GOLGA6L7: variants seen among roughly 807,000 people sequenced by gnomAD.
GOLGA6L7 encodes the protein golgin A6 family like 7.
In GOLGA6L7, 29 loss-of-function variants were observed where a neutral mutation model predicts 68.9. The observed-to-expected ratio is 0.42, with a 90% CI of 0.31 to 0.57. The LOEUF (loss-of-function observed/expected upper bound fraction) is 0.57, where lower values mean the gene tolerates loss of function less well. Among genes scored for constraint, GOLGA6L7 ranks in the 20% least tolerant of loss-of-function variants. GOLGA6L7 has a pLI of 0.13. For synonymous variants in GOLGA6L7, 133 were observed against 197.4 expected, an observed-to-expected ratio of 0.67 and a Z score of 2.73; for missense variants, 396 against 588.4, an observed-to-expected ratio of 0.67 and a Z score of 3.38.
In GOLGA6L7 at chr15:28,843,236, C is replaced by T. The variant is rs55828001; in HGVS notation, c.868G>A (p.Glu290Lys). Residue 290 changes from glutamate (E) to lysine (K), a missense_variant, in exon 9 of 9, where the codon GAG (glutamate) becomes AAG (lysine). Glu to Lys is a moderately conservative substitution (Grantham distance 56, BLOSUM62 1). Transcript: ENST00000567390. ...TGCTCCTCCTGCTTCCGCATCTGCT[C>T]CTCCTGCTTCCGCATCTGCTCCTCC... ...EQEEQMRKQE[E>K]QMRKQEEQMR... 8.2e-6 allele frequency: 10 copies of T among 1,218,488 alleles called. No homozygotes were observed. In the Admixed American group the frequency reaches 2.3e-4, roughly 28 times the overall value. 75.5% of individuals were successfully genotyped at this position (1,218,488 alleles called of 1,614,324 possible). A position where few individuals can be genotyped will look rare whatever the true frequency, so the allele number is the denominator to read the frequency against.
In GOLGA6L7 at chr15:28,847,088, C is replaced by T. The variant is rs150917533; in HGVS notation, c.156G>A (p.Ser52=). Residue 52 remains serine (S), a synonymous_variant, in exon 2 of 9, where the codon TCG becomes TCA. Coordinates refer to ENST00000567390, the MANE Select transcript of GOLGA6L7 (RefSeq NM_001365371.2). ...NHGANPETTT[S]GGCHSPEDKQ... ...CATCCTCAGGCGAGTGGCAGCCCCCCGAAGTGGTTGTCTCAGGGTTAGCGC... is the reference window on the plus strand; with the variant it reads ...CATCCTCAGGCGAGTGGCAGCCCCCTGAAGTGGTTGTCTCAGGGTTAGCGC... 14 of 1,007,788 alleles carry T rather than the reference C, an allele frequency of 1.4e-5. No homozygotes were observed. The highest frequency in any genetic ancestry group is 1.7e-5 in the Non-Finnish European group (12 of 686,084). 62.4% of individuals were successfully genotyped at this position (1,007,788 alleles called of 1,614,324 possible). A position where few individuals can be genotyped will look rare whatever the true frequency, so the allele number is the denominator to read the frequency against.
chr15:28,847,199 A>G lies in GOLGA6L7; in HGVS notation c.52-7T>C, dbSNP rs1208963964. ...ACTGATGATAGTCTGTAAACTGTGGAAAAGAGGAGCAGTGATACTCATGAG... is the reference window on the plus strand; with the variant it reads ...ACTGATGATAGTCTGTAAACTGTGGGAAAGAGGAGCAGTGATACTCATGAG... On this transcript the variant is annotated splice_region_variant and splice_polypyrimidine_tract_variant and intron_variant, in intron 1 of 8. Transcript: ENST00000567390. 3.0e-6 allele frequency: 4 copies of G among 1,347,738 alleles called. No individual in the cohort carries two copies. Among genetic ancestry groups the G allele is most frequent in the South Asian group, 1.2e-5 (1 of 80,848 alleles). The allele number at this position is 1,347,738 out of a possible 1,614,324, so 83.5% of individuals were successfully genotyped here.
chr15:28,846,016 A>G lies in GOLGA6L7; in HGVS notation c.211-66T>C, dbSNP rs1217954925. ...AGGCAGAGATGGCACAGCAAGAGAC[A>G]TGCCCCCAGAATGGCCCCACTGTCC... On this transcript the variant is annotated intron_variant, in intron 3 of 8. Coordinates refer to ENST00000567390, the MANE Select transcript of GOLGA6L7 (RefSeq NM_001365371.2). 3.3e-6 allele frequency: 3 copies of G among 905,078 alleles called. No individual in the cohort carries two copies. In the African/African-American group the frequency reaches 5.1e-5, roughly 15 times the overall value. 56.1% of individuals were successfully genotyped at this position (905,078 alleles called of 1,614,324 possible).
Position 28,842,692 on chromosome 15 carries a change from A to T in GOLGA6L7, c.1412T>A (p.Met471Lys), listed in dbSNP as rs1312644212. Residue 471 changes from methionine (M) to lysine (K), a missense_variant, in exon 9 of 9, where the codon ATG becomes AAG. Met to Lys is a moderately conservative substitution (Grantham distance 95). This residue lies in a region of GOLGA6L7 where 14 missense variants were observed against 63.0 expected (regional missense o/e 0.22). Coordinates refer to ENST00000567390, the MANE Select transcript of GOLGA6L7 (RefSeq NM_001365371.2). ...CCCCATCTGCTCCTCCTGCTTCCTCATCTGCTCCTCCTGCTCCCCCATCTG... is the reference window on the plus strand; with the variant it reads ...CCCCATCTGCTCCTCCTGCTTCCTCTTCTGCTCCTCCTGCTCCCCCATCTG... ...EEQMGEQEEQ[M>K]RKQEEQMGEQ... The T allele has an allele frequency of 1.5e-6, 2 of 1,292,404 alleles. No individual in the cohort carries two copies. The highest frequency in any genetic ancestry group is 1.9e-6 in the Non-Finnish European group (2 of 1,028,728). The allele number at this position is 1,292,404 out of a possible 1,614,324, so 80.1% of individuals were successfully genotyped here. A position where few individuals can be genotyped will look rare whatever the true frequency, so the allele number is the denominator to read the frequency against.
chr15:28,846,113 C>A lies in GOLGA6L7; in HGVS notation c.210+107G>T, dbSNP rs1189844009. The A allele has an allele frequency of 5.5e-6, 4 of 726,262 alleles. No individual in the cohort carries two copies. In the East Asian group the frequency reaches 1.1e-4, roughly 19 times the overall value. 45.0% of individuals were successfully genotyped at this position (726,262 alleles called of 1,614,324 possible). A position where few individuals can be genotyped will look rare whatever the true frequency, so the allele number is the denominator to read the frequency against. On this transcript the variant is annotated intron_variant, in intron 3 of 8. Transcript: ENST00000567390. ...GATGGGGTGGAAGCTGGGAGGTGAG[C>A]CTTCCTCCCCAAGCTGGGAGTAGGC...
intron 1 of GOLGA6L7, 72 bp downstream of exon 1, chr15:28,848,427 G>A (rs2030522085): frequency 4.3e-6 from 3 of 693,122 alleles, no homozygotes; most frequent in Non-Finnish European, 7.9e-6. Context: ...ACGGATTCTG[G>A]CAGCTGTTCT....
chr15:28,845,231 G>A (rs568253346), intron 6 of GOLGA6L7: 7 of 528,106 alleles, frequency 1.3e-5, no homozygotes, highest in African/African-American at 1.2e-4. Context: ...TACCTTCATG[G>A]TACAAGTACC....
intron 1 of GOLGA6L7, among the ~76,000 whole-genome samples, 185 bp from the exon 2 acceptor site, chr15:28,847,377 A>T (rs1316264078): frequency 6.6e-6 from 1 of 151,022 alleles, no homozygotes; most frequent in Non-Finnish European, 1.5e-5. Flanking sequence ...GCAATAATGG[A>T]ACTGAAACTC....
chr15:28,843,697 A>G (rs2030301995), intron 8 of GOLGA6L7, 37 bp downstream of exon 8: 2 of 629,222 alleles, frequency 3.2e-6, no homozygotes, highest in East Asian at 2.7e-5. Context: ...TCCCAGCCGG[A>G]TGCGGCTCCC....
rs1461694585 is a variant in GOLGA6L7, at chr15:28,848,616, C to T, written c.-67G>A. On this transcript the variant is annotated 5_prime_UTR_variant, in exon 1 of 9. Coordinates refer to ENST00000567390, the MANE Select transcript of GOLGA6L7 (RefSeq NM_001365371.2). ...TCCAGGCGAGGACAGTGATATGCCT[C>T]CAGTCACGTACCACACAGCTATGTG... 2 of 731,832 alleles carry T rather than the reference C, an allele frequency of 2.7e-6. No homozygotes were observed. Among genetic ancestry groups the T allele is most frequent in the African/African-American group, 3.4e-5 (2 of 58,308 alleles). The allele number at this position is 731,832 out of a possible 1,614,324, so 45.3% of individuals were successfully genotyped here.
intron 7 of GOLGA6L7, 63 bp from the exon 8 acceptor site, chr15:28,843,938 G>A (rs546252549): frequency 1.4e-5 from 10 of 730,428 alleles, no homozygotes; most frequent in Admixed American, 2.6e-5. Context: ...TTTGGTGATC[G>A]ACCCTCTACC....
intron 5 of GOLGA6L7, 26 bp downstream of exon 5, chr15:28,845,692 G>A (rs1193103468): frequency 1.3e-6 from 1 of 767,048 alleles, no homozygotes; most frequent in Non-Finnish European, 2.4e-6. Context: ...CCAGGTTGAA[G>A]GATGACGGGG....
chr15:28,843,339 C>T lies in GOLGA6L7; in HGVS notation c.765G>A (p.Glu255=). The T allele has an allele frequency of 9.4e-6, 7 of 741,474 alleles. No homozygotes were observed. In the South Asian group the frequency reaches 2.0e-4, roughly 21 times the overall value. 45.9% of individuals were successfully genotyped at this position (741,474 alleles called of 1,614,324 possible). The part of the protein sequence containing the change: ...RDQEKLRKHE[E]KMWRQEQRLR... ...GCCTCTGCTCCTGTCTCCACATCTT[C>T]TCCTCGTGCTTCCGTAGCTTCTCCT... The change falls in exon 9 of 9, where the codon GAG becomes GAA. Residue 255 remains glutamate (E), a synonymous_variant. Coordinates refer to ENST00000567390, the MANE Select transcript of GOLGA6L7 (RefSeq NM_001365371.2).
chr15:28,844,689 TA>T (rs534167588), intron 6 of GOLGA6L7, among the ~76,000 whole-genome samples: 29 of 152,260 alleles, frequency 1.9e-4, no homozygotes, highest in African/African-American at 6.3e-4. Flanking sequence ...AGCGATCAGA[TA>T]ATATTGTTAT....
chr15:28,841,906 A>G lies in GOLGA6L7; in HGVS notation c.*329T>C, dbSNP rs1215360015. 1 of 169,046 alleles carries G rather than the reference A, an allele frequency of 5.9e-6. No homozygotes were observed. The highest frequency in any genetic ancestry group is 1.3e-5 in the Non-Finnish European group (1 of 79,902). The allele number at this position is 169,046 out of a possible 1,614,324, so 10.5% of individuals were successfully genotyped here. A position where few individuals can be genotyped will look rare whatever the true frequency, so the allele number is the denominator to read the frequency against. On this transcript the variant is annotated 3_prime_UTR_variant, in exon 9 of 9. Transcript: ENST00000567390. Reference sequence around the variant, plus strand: ...AGACAAAAGGAGAAAACAAACAAAAAAAACAATAGAAACATACATAGATAT... The same window carrying G: ...AGACAAAAGGAGAAAACAAACAAAAGAAACAATAGAAACATACATAGATAT...
At position 28,843,478 on chromosome 15, in the gene GOLGA6L7, T is replaced by C. The variant is rs2030294803; in HGVS notation, c.664-38A>G. 8.3e-6 allele frequency: 4 copies of C among 480,594 alleles called. No homozygotes were observed. The Admixed American group carries it at 1.5e-4, about 18-fold the overall frequency. 29.8% of individuals were successfully genotyped at this position (480,594 alleles called of 1,614,324 possible). ...TAGAGTCATAAGCTAGGTATATAAATGTAATCTATAAAATAACGGTTTTCG... is the reference window on the plus strand; with the variant it reads ...TAGAGTCATAAGCTAGGTATATAAACGTAATCTATAAAATAACGGTTTTCG... On this transcript the variant is annotated intron_variant, in intron 8 of 8. Coordinates refer to ENST00000567390, the MANE Select transcript of GOLGA6L7 (RefSeq NM_001365371.2).
intron 8 of GOLGA6L7, 93 bp downstream of exon 8, chr15:28,843,641 C>G: frequency 1.8e-6 from 1 of 561,456 alleles, no homozygotes; most frequent in Non-Finnish European, 3.1e-6. Context: ...AATTTTCCAG[C>G]TCTTGGCTGG....
chr15:28,844,610 G>A (rs375253409), intron 6 of GOLGA6L7, among the ~76,000 whole-genome samples: 29 of 151,690 alleles, frequency 1.9e-4, no homozygotes, highest in African/African-American at 1.9e-4. Context: ...CTTGTTTTTC[G>A]GAGAACTCAG....
chr15:28,846,678 C>T (rs1276852644), intron 2 of GOLGA6L7: 2 of 343,276 alleles, frequency 5.8e-6, no homozygotes, highest in Non-Finnish European at 1.0e-5. Flanking sequence ...TCTAGTGAAT[C>T]TTTAAATCTC....
Sources: allele counts gnomAD v4.1 joint callset (sites outside exome capture counted in the v4.1 genomes callset), GRCh38; gene constraint gnomAD v4.1.1; regional missense constraint gnomAD v4.1.1; transcripts MANE v1.5; gene names NCBI Gene and HGNC (gene_info 2026-07-23, HGNC 2026-07-21).